Variants in CCDC91 observed in about 807,000 individuals in gnomAD.
CCDC91 encodes the protein coiled-coil domain-containing protein 91.
CCDC91 carries 48 observed loss-of-function variants against 63.2 expected under a neutral mutation model. That is an observed-to-expected ratio of 0.76 (90% CI 0.60 to 0.97). CCDC91 has a LOEUF of 0.97. Among genes scored for constraint, CCDC91 ranks in the 50% least tolerant of loss-of-function variants. The probability of loss-of-function intolerance (pLI) is 0.00; values close to 1 mark genes in which losing one functional copy is unlikely to be tolerated. For missense variants in CCDC91, 500 were observed against 494.6 expected (o/e 1.01, Z -0.10); for synonymous variants, 167 against 165.8 (o/e 1.01, Z -0.06).
At chr12:28,333,061 G>C (rs569085941) in intron 6 of CCDC91, among the ~76,000 whole-genome samples, 1 of 152,204 alleles carries the variant, frequency 6.6e-6, no homozygotes, top group South Asian at 2.1e-4. Flanking sequence ...TACCTGGTAT[G>C]ACCTTAGCTG....
Position 28,500,559 on chromosome 12 carries a change from T to C in CCDC91, c.1215+16394T>C, listed in dbSNP as rs569908032. 3.3e-5 allele frequency among the ~76,000 whole-genome samples: 5 copies of C among 151,880 alleles called. No homozygotes were observed. The East Asian group carries it at 9.8e-4, about 30-fold the overall frequency. Reference sequence around the variant, plus strand: ...AAATAAATAGTTTAATGATAAGATATGAGTCATTTCTCACTAGGCTCATAC... The same window carrying C: ...AAATAAATAGTTTAATGATAAGATACGAGTCATTTCTCACTAGGCTCATAC... On this transcript the variant is annotated intron_variant, in intron 12 of 12. Transcript: ENST00000536442.
At chr12:28,373,357 A>T (rs1371800014) in intron 7 of CCDC91, among the ~76,000 whole-genome samples, 1 of 152,074 alleles carries the variant, frequency 6.6e-6, no homozygotes, top group Admixed American at 6.6e-5. Flanking sequence ...TTATATGTGT[A>T]GATTGTTTTT....
At chr12:28,352,194 A>G (rs1429661360) in intron 6 of CCDC91, among the ~76,000 whole-genome samples, 1 of 152,162 alleles carries the variant, frequency 6.6e-6, no homozygotes, top group African/African-American at 2.4e-5. Context: ...TTGAGTCATA[A>G]TCCTTTTGCT....
At chr12:28,360,190 T>C (rs1290349813) in intron 6 of CCDC91, among the ~76,000 whole-genome samples, 4 of 152,174 alleles carry the variant, frequency 2.6e-5, no homozygotes, top group African/African-American at 9.7e-5. Flanking sequence ...GATTTAGCTG[T>C]AATATGACAA....
At chr12:28,479,620 A>G (rs1455045469) in intron 11 of CCDC91, among the ~76,000 whole-genome samples, 1 of 152,082 alleles carries the variant, frequency 6.6e-6, no homozygotes, top group Admixed American at 6.6e-5. Context: ...TAATAAAAAT[A>G]TATAAAAAAA....
chr12:28,477,444 A>G (rs1010335961), intron 11 of CCDC91, among the ~76,000 whole-genome samples: 1 of 152,158 alleles, frequency 6.6e-6, no homozygotes, highest in African/African-American at 2.4e-5. Flanking sequence ...AACTCTCAAT[A>G]AATTAGGTAT....
chr12:28,245,783 C>G (rs1268717520), intron 1 of CCDC91, among the ~76,000 whole-genome samples: 2 of 151,980 alleles, frequency 1.3e-5, no homozygotes, highest in Non-Finnish European at 2.9e-5. Context: ...CATTTAAAAC[C>G]AAGTGTCAGG....
chr12:28,313,770 A>C (rs951623661), intron 6 of CCDC91, among the ~76,000 whole-genome samples: 1 of 152,070 alleles, frequency 6.6e-6, no homozygotes, highest in African/African-American at 2.4e-5. Flanking sequence ...GCCTAACCAG[A>C]GGAAGAAAAG....
intron 8 of CCDC91, among the ~76,000 whole-genome samples, chr12:28,392,048 A>G (rs1945980241): frequency 7.0e-6 from 1 of 143,060 alleles, no homozygotes; most frequent in Non-Finnish European, 1.6e-5. Context: ...ACTGAGAATT[A>G]AGAAATAAAA....
chr12:28,259,064 A>T (rs117291481), intron 2 of CCDC91, among the ~76,000 whole-genome samples: 2 of 151,988 alleles, frequency 1.3e-5, no homozygotes, highest in Non-Finnish European at 2.9e-5. Flanking sequence ...AAAATACTTA[A>T]ATATAAAGTT....
intron 6 of CCDC91, among the ~76,000 whole-genome samples, chr12:28,327,264 A>G (rs1288014208): frequency 4.6e-5 from 7 of 152,114 alleles, no homozygotes; most frequent in Non-Finnish European, 7.4e-5. Context: ...TGAGCTGCAG[A>G]CATAGACAAG....
At chr12:28,290,718 T>C (rs1463215315) in intron 3 of CCDC91, among the ~76,000 whole-genome samples, 4 of 152,216 alleles carry the variant, frequency 2.6e-5, no homozygotes, top group Non-Finnish European at 1.5e-5. Flanking sequence ...TAGGATCATA[T>C]TATAGTTAAA....
rs558524040 is a variant in CCDC91, at chr12:28,378,638, C to T, written c.655-12666C>T. 3.3e-5 allele frequency among the ~76,000 whole-genome samples: 5 copies of T among 152,074 alleles called. No homozygotes were observed. In the East Asian group the frequency reaches 9.7e-4, roughly 29 times the overall value. On this transcript the variant is annotated intron_variant, in intron 7 of 12. Coordinates refer to ENST00000536442, the MANE Select transcript of CCDC91 (RefSeq NM_018318.5). ...TTTGAATTCCACCATTTTGTTAATC[C>T]AAAGGTATAAAATAAATTTATAGTT...
intron 12 of CCDC91, among the ~76,000 whole-genome samples, chr12:28,491,859 TTTTGTG>T (rs1333514468): frequency 2.6e-5 from 2 of 78,228 alleles, no homozygotes; most frequent in Admixed American, 1.3e-4. Context: ...AAGTCAAAAA[TTTTGTG>T]TGTGTGTGTG....
At chr12:28,531,738 T>C (rs1941750487) in intron 12 of CCDC91, among the ~76,000 whole-genome samples, 1 of 152,208 alleles carries the variant, frequency 6.6e-6, no homozygotes, top group Admixed American at 6.5e-5. Flanking sequence ...TTTTGTTCTT[T>C]ATTTAGTAAA....
At chr12:28,376,549 TG>T (rs1355365354) in intron 7 of CCDC91, among the ~76,000 whole-genome samples, 1 of 151,774 alleles carries the variant, frequency 6.6e-6, no homozygotes, top group African/African-American at 2.4e-5. Flanking sequence ...TTCTTTATAG[TG>T]CAGGATTGGT....
intron 3 of CCDC91, among the ~76,000 whole-genome samples, chr12:28,291,813 T>C (rs1399682887): frequency 6.6e-6 from 1 of 152,196 alleles, no homozygotes; most frequent in Non-Finnish European, 1.5e-5. Flanking sequence ...CTTCAAATGC[T>C]AAATGACTGT....
chr12:28,212,916 C>T (rs1394159916), intron 1 of CCDC91, among the ~76,000 whole-genome samples: 1 of 152,158 alleles, frequency 6.6e-6, no homozygotes, highest in Non-Finnish European at 1.5e-5. Context: ...GGAGTAAGTG[C>T]CACTCTGGGT....
At chr12:28,200,878 G>A (rs1017824388) in intron 1 of CCDC91, among the ~76,000 whole-genome samples, 1 of 151,238 alleles carries the variant, frequency 6.6e-6, no homozygotes, top group Non-Finnish European at 1.5e-5. Flanking sequence ...TCACCTCCCA[G>A]ACAGGGCGGC....
Sources: gnomAD v4.1 joint callset for allele counts (sites outside exome capture counted in the v4.1 genomes callset) on GRCh38, gnomAD v4.1.1 for gene constraint, MANE v1.5 for transcripts, NCBI Gene and HGNC (gene_info 2026-07-23, HGNC 2026-07-21) for gene names.